MEF2C: variants seen among roughly 807,000 people sequenced by gnomAD.
MEF2C encodes myocyte enhancer factor 2C.
MEF2C carries 6 observed loss-of-function variants against 50.5 expected under a neutral mutation model. That is an observed-to-expected ratio of 0.12 (90% CI 0.07 to 0.23). MEF2C has a LOEUF of 0.23. Among genes scored for constraint, MEF2C ranks in the 10% least tolerant of loss-of-function variants. MEF2C has a pLI of 1.00. For missense variants in MEF2C, 276 were observed against 605.0 expected (o/e 0.46, Z 5.70); for synonymous variants, 183 against 228.0 (o/e 0.80, Z 1.78).
At chr5:88,812,570 T>G (rs1216970826) in intron 2 of MEF2C, among the ~76,000 whole-genome samples, 2 of 152,038 alleles carry the variant, frequency 1.3e-5, no homozygotes, top group East Asian at 3.9e-4. Flanking sequence ...ATTTCTTATA[T>G]TATTTTTTAG....
At chr5:88,751,743 T>C (rs1001537659) in intron 5 of MEF2C, 114 bp downstream of exon 5, 11 of 1,243,488 alleles carry the variant, frequency 8.8e-6, no homozygotes, top group Middle Eastern at 4.4e-4. Flanking sequence ...TGGTAAGCCA[T>C]GAAGGAGAGT....
intron 2 of MEF2C, among the ~76,000 whole-genome samples, chr5:88,815,152 G>C (rs1465711837): frequency 6.6e-6 from 1 of 151,984 alleles, no homozygotes; most frequent in East Asian, 1.9e-4. Flanking sequence ...TTAATATTTT[G>C]GGGGCAAAAA....
chr5:88,823,789 A>G lies in MEF2C; in HGVS notation c.-1T>C, dbSNP rs1199121348. 7.5e-6 allele frequency: 12 copies of G among 1,608,828 alleles called. No individual in the cohort carries two copies. In the African/African-American group the frequency reaches 1.3e-4, roughly 18 times the overall value. The stretch of plus-strand genomic sequence containing the variant: ...TAATCTGAATCTTTTTTCTCCCCAT[A>G]GTCCCCGTTTTTCTTCTCTCTCTCG... On this transcript the variant is annotated 5_prime_UTR_variant, in exon 2 of 11. Transcript: ENST00000504921.
intron 3 of MEF2C, among the ~76,000 whole-genome samples, chr5:88,779,651 A>C (rs1323669047): frequency 6.6e-6 from 1 of 151,902 alleles, no homozygotes; most frequent in East Asian, 1.9e-4. Context: ...AGAACATCTG[A>C]AAGAATCTTC....
rs1755533874 is a variant in MEF2C, at chr5:88,719,417, C to T, written c.*3187G>A. 1 of 152,222 alleles carries T rather than the reference C, an allele frequency of 6.6e-6. No homozygotes were observed. The highest frequency in any genetic ancestry group is 1.5e-5 in the Non-Finnish European group (1 of 68,024). 9.4% of individuals were successfully genotyped at this position (152,222 alleles called of 1,614,324 possible). ...TGTGCAGCTTGCGTATATTGCATCA[C>T]TGTTACCAGTATTCAAGCTTCATAT... On this transcript the variant is annotated 3_prime_UTR_variant, in exon 11 of 11. Transcript: ENST00000504921.
At chr5:88,741,448 T>G in intron 6 of MEF2C, 3 of 985,402 alleles carry the variant, frequency 3.0e-6, no homozygotes, top group Non-Finnish European at 3.6e-6. Flanking sequence ...TTTCCTTGGT[T>G]GTTTTATTTT....
At chr5:88,854,103 C>T (rs918798612) in intron 1 of MEF2C, among the ~76,000 whole-genome samples, 1 of 152,172 alleles carries the variant, frequency 6.6e-6, no homozygotes, top group Admixed American at 6.5e-5. Context: ...CCATTGAGAG[C>T]AGCTTTTTGC....
chr5:88,836,902 C>T (rs770071744), intron 1 of MEF2C, among the ~76,000 whole-genome samples: 4 of 150,536 alleles, frequency 2.7e-5, no homozygotes, highest in Non-Finnish European at 4.4e-5. Context: ...GGCAAGCTCA[C>T]GACTTTCCTT....
chr5:88,845,905 G>A (rs1819146832), intron 1 of MEF2C, among the ~76,000 whole-genome samples: 1 of 151,658 alleles, frequency 6.6e-6, no homozygotes, highest in Admixed American at 6.6e-5. Flanking sequence ...TAATTTTGGT[G>A]CTGATAATTT....
intron 1 of MEF2C, among the ~76,000 whole-genome samples, chr5:88,835,558 T>C (rs1814745562): frequency 6.6e-6 from 1 of 152,054 alleles, no homozygotes; most frequent in Admixed American, 6.6e-5. Flanking sequence ...ATGCCTGTAA[T>C]CCCAGCACTT....
intron 3 of MEF2C, chr5:88,768,649 T>C: frequency 1.0e-6 from 1 of 982,282 alleles, no homozygotes; most frequent in Non-Finnish European, 1.2e-6. Context: ...GCAGCATTCA[T>C]GACAAACTGA....
chr5:88,850,070 A>C (rs1399111635), intron 1 of MEF2C, among the ~76,000 whole-genome samples: 1 of 150,994 alleles, frequency 6.6e-6, no homozygotes, highest in African/African-American at 2.4e-5. Flanking sequence ...ATATCTCCTA[A>C]GGCTATCCCT....
chr5:88,735,406 G>A, intron 6 of MEF2C: 1 of 985,196 alleles, frequency 1.0e-6, no homozygotes, highest in Non-Finnish European at 1.2e-6. Flanking sequence ...AGACGTGACT[G>A]TATGCAGATG....
Position 88,856,762 on chromosome 5 carries a change from G to A in MEF2C, c.-143+26193C>T, listed in dbSNP as rs138363874. ...TGGGTACACAGAAGTCAGGACGTGA[G>A]GTTTGGGAATCTCTACCCAGATTTC... On this transcript the variant is annotated intron_variant, in intron 1 of 10. Coordinates refer to ENST00000504921, the MANE Select transcript of MEF2C (RefSeq NM_002397.5). Among the ~76,000 whole-genome samples the A allele has an allele frequency of 2.3e-3, 343 of 152,356 alleles. 4 individuals carry two copies. Among genetic ancestry groups the A allele is most frequent in the African/African-American group, 8.1e-3 (337 of 41,582 alleles).
chr5:88,730,103 T>G, intron 8 of MEF2C, 108 bp downstream of exon 8: 3 of 1,081,338 alleles, frequency 2.8e-6, no homozygotes, highest in Non-Finnish European at 4.0e-6. Flanking sequence ...TAATCAATGT[T>G]GACATACTGT....
intron 1 of MEF2C, among the ~76,000 whole-genome samples, chr5:88,830,875 C>G (rs148692144): frequency 2.0e-5 from 3 of 152,084 alleles, no homozygotes; most frequent in Admixed American, 2.0e-4. Context: ...CAGCTCTAAC[C>G]TCTCAGTAAG....
intron 2 of MEF2C, among the ~76,000 whole-genome samples, chr5:88,815,465 C>T (rs962202666): frequency 6.6e-6 from 1 of 151,994 alleles, no homozygotes; most frequent in Non-Finnish European, 1.5e-5. Context: ...TAAACTGTTC[C>T]AATTTAAAAT....
At chr5:88,809,684 T>C (rs756258827) in intron 2 of MEF2C, among the ~76,000 whole-genome samples, 8 of 152,174 alleles carry the variant, frequency 5.3e-5, no homozygotes, top group Non-Finnish European at 2.9e-5. Flanking sequence ...TTCTCTGGAC[T>C]GAGCTAGAAA....
chr5:88,826,449 A>C (rs1246700669), intron 1 of MEF2C, among the ~76,000 whole-genome samples: 1 of 151,976 alleles, frequency 6.6e-6, no homozygotes. Flanking sequence ...GATGACACTA[A>C]GTAACTGGTC....
Sources: gnomAD v4.1 joint callset for allele counts (sites outside exome capture counted in the v4.1 genomes callset) on GRCh38, gnomAD v4.1.1 for gene constraint, MANE v1.5 for transcripts, NCBI Gene and HGNC (gene_info 2026-07-23, HGNC 2026-07-21) for gene names.